Variants in GLS2 observed in about 807,000 individuals in gnomAD.
GLS2 encodes glutaminase liver isoform, mitochondrial.
In GLS2, 52 loss-of-function variants were observed where a neutral mutation model predicts 79.0. That is an observed-to-expected ratio of 0.66 (90% CI 0.53 to 0.83). The LOEUF (loss-of-function observed/expected upper bound fraction) is 0.83. Ranked by LOEUF, GLS2 falls within the 40% of genes least tolerant of loss-of-function variation. GLS2 has a pLI of 0.00. For synonymous variants in GLS2, 238 were observed against 280.8 expected, an observed-to-expected ratio of 0.85 and a Z score of 1.52; for missense variants, 561 against 764.8, an observed-to-expected ratio of 0.73 and a Z score of 3.14.
At chr12:56,487,731 C>T (rs1316767924) in intron 1 of GLS2, 2 of 616,638 alleles carry the variant, frequency 3.2e-6, no homozygotes, top group East Asian at 6.3e-5. Context: ...GACCCGCTTG[C>T]CCGAACGCAC....
chr12:56,478,394 G>A (rs1870012467), intron 4 of GLS2, 132 bp from the exon 5 acceptor site: 1 of 881,254 alleles, frequency 1.1e-6, no homozygotes, highest in East Asian at 2.7e-5. Flanking sequence ...GTTCCCTCCT[G>A]CCTGTTGCTC....
rs1435585937 is a variant in GLS2 at position 56,471,662 on chromosome 12, T to C, written c.1653-19A>G. 5.6e-6 allele frequency: 9 copies of C among 1,613,712 alleles called. No homozygotes were observed. Among genetic ancestry groups the C allele is most frequent in the Non-Finnish European group, 7.6e-6 (9 of 1,179,682 alleles). On this transcript the variant is annotated intron_variant, in intron 17 of 17. Coordinates refer to ENST00000311966, the MANE Select transcript of GLS2 (RefSeq NM_013267.4). The stretch of plus-strand genomic sequence containing the variant: ...GCCCCACCTGAGAGGAATAATGATA[T>C]GATCAGGCAAAGGAGACGTGGAGAG...
Position 56,475,671 on chromosome 12 carries a change from A to ATAC in GLS2, c.879_881dup (p.Gln293_Tyr294insTer). On this transcript the variant is annotated stop_gained, in exon 9 of 18. Transcript: ENST00000311966. LOFTEE classifies it high-confidence loss of function. ...ATTCATTCCCAGCCATTTTGTTGAG[A>ATAC]TACTGCAACACCTGGAAGAGAAAAA... The ATAC allele has an allele frequency of 6.2e-7, 1 of 1,614,184 alleles. No homozygotes were observed. The highest frequency in any genetic ancestry group is 8.5e-7 in the Non-Finnish European group (1 of 1,180,044).
In GLS2 at chr12:56,473,475, G is replaced by A; in HGVS notation, c.1344C>T (p.Thr448=). 1 of 1,611,860 alleles carries A rather than the reference G, an allele frequency of 6.2e-7. No individual in the cohort carries two copies. Among genetic ancestry groups the A allele is most frequent in the Non-Finnish European group, 8.5e-7 (1 of 1,178,702 alleles). Reference sequence around the variant, plus strand: ...CAAAGCATCTCACCTGGCAGAAGCTGGTCCCCCTATGGCTGTTCCCCAGCT... The same window carrying A: ...CAAAGCATCTCACCTGGCAGAAGCTAGTCCCCCTATGGCTGTTCCCCAGCT... ...LDKLGNSHRG[T]SFCQKLVSLF... is the part of the protein sequence containing the mutation. The change falls in exon 13 of 18, where the codon ACC becomes ACT. Residue 448 remains threonine, a synonymous_variant. Transcript: ENST00000311966.
At chr12:56,477,444 A>G in intron 7 of GLS2, 1 of 343,224 alleles carries the variant, frequency 2.9e-6, no homozygotes, top group Non-Finnish European at 5.6e-6. Context: ...GGGGCAGGGA[A>G]CAGTACTGAG....
rs1870838810 is a variant in GLS2 at position 56,488,070 on chromosome 12, G to A, written c.49C>T (p.His17Tyr). 6.3e-7 allele frequency: 1 copy of A among 1,578,798 alleles called. No homozygotes were observed. Among genetic ancestry groups the A allele is most frequent in the Non-Finnish European group, 8.6e-7 (1 of 1,169,490 alleles). ...TGACCCCAGCCTCCTCGCCCGCAGT[G>A]ACTGCCAGCCCGGCTCAGGGCCTTC... ...LQKALSRAGS[H>Y]CGRGGWGHPS... Residue 17 changes from histidine to tyrosine, a missense_variant, in exon 1 of 18, where the codon CAC (histidine) becomes TAC (tyrosine). By Grantham distance (83) the His-to-Tyr change is moderately conservative. This residue lies in a region of GLS2 where 161 missense variants were observed against 167.8 expected (regional missense o/e 0.96). Coordinates refer to ENST00000311966, the MANE Select transcript of GLS2 (RefSeq NM_013267.4).
At chr12:56,484,141 G>A (rs772616350) in intron 1 of GLS2, among the ~76,000 whole-genome samples, 9 of 152,038 alleles carry the variant, frequency 5.9e-5, no homozygotes, top group South Asian at 2.1e-4. Flanking sequence ...GTGGTGGCGC[G>A]CACCTGTAAT....
chr12:56,472,621 A>T, intron 15 of GLS2, 69 bp downstream of exon 15: 1 of 1,389,430 alleles, frequency 7.2e-7, no homozygotes, highest in Non-Finnish European at 1.0e-6. Flanking sequence ...CTATTTTGTT[A>T]CGCTGCCTCC....
intron 7 of GLS2, 114 bp from the exon 8 acceptor site, chr12:56,476,091 G>A: frequency 1.0e-6 from 1 of 994,120 alleles, no homozygotes; most frequent in Non-Finnish European, 1.5e-6. Flanking sequence ...CTGCAAATGT[G>A]TTCAATTTTA....
rs757451008 is a variant in GLS2 at position 56,477,642 on chromosome 12, G to C, written c.837+18C>G. On this transcript the variant is annotated intron_variant, in intron 7 of 17. Transcript: ENST00000311966. ...GCTTAGAGGATAATACCTATCAGAA[G>C]GTTAAGGTGGCACTGACCTTGATCA... 1.2e-4 allele frequency: 188 copies of C among 1,610,268 alleles called. No individual in the cohort carries two copies. The highest frequency in any genetic ancestry group is 1.6e-4 in the Non-Finnish European group (186 of 1,177,666).
At chr12:56,486,243 G>A (rs979683132) in intron 1 of GLS2, among the ~76,000 whole-genome samples, 1 of 152,016 alleles carries the variant, frequency 6.6e-6, no homozygotes, top group Non-Finnish European at 1.5e-5. Context: ...GGTTCCCTGG[G>A]CAGAAGAAAC....
At chr12:56,477,557 CAG>C (rs1869931096) in intron 7 of GLS2, 101 bp downstream of exon 7, 1 of 1,209,552 alleles carries the variant, frequency 8.3e-7, no homozygotes, top group Non-Finnish European at 1.2e-6. Context: ...TCAAAGGAAT[CAG>C]AGCCCCACCA....
intron 7 of GLS2, 77 bp from the exon 8 acceptor site, chr12:56,476,054 A>C: frequency 7.1e-7 from 1 of 1,411,764 alleles, no homozygotes. Context: ...GATCTAGTGG[A>C]GTTCTAGTGT....
At chr12:56,481,389 G>A (rs1317037373) in intron 1 of GLS2, among the ~76,000 whole-genome samples, 1 of 150,680 alleles carries the variant, frequency 6.6e-6, no homozygotes, top group Non-Finnish European at 1.5e-5. Flanking sequence ...TGTATTTTTA[G>A]TAGAGACGGG....
rs116424949 is a variant in GLS2, at chr12:56,477,643, G to A, written c.837+17C>T. 3.7e-6 allele frequency: 6 copies of A among 1,610,962 alleles called. No homozygotes were observed. The highest frequency in any genetic ancestry group is 5.1e-6 in the Non-Finnish European group (6 of 1,178,012). ...CTTAGAGGATAATACCTATCAGAAGGTTAAGGTGGCACTGACCTTGATCAG... is the reference window on the plus strand; with the variant it reads ...CTTAGAGGATAATACCTATCAGAAGATTAAGGTGGCACTGACCTTGATCAG... On this transcript the variant is annotated intron_variant, in intron 7 of 17. Transcript: ENST00000311966.
intron 7 of GLS2, 176 bp from the exon 8 acceptor site, chr12:56,476,153 C>G: frequency 1.8e-6 from 1 of 559,508 alleles, no homozygotes; most frequent in South Asian, 2.1e-5. Flanking sequence ...ATTGGCTCCT[C>G]TCTTTCTCTT....
At chr12:56,481,131 CTT>C (rs796189449) in intron 1 of GLS2, among the ~76,000 whole-genome samples, 3 of 137,646 alleles carry the variant, frequency 2.2e-5, no homozygotes, top group African/African-American at 2.6e-5. Flanking sequence ...TTCAATCCAT[CTT>C]TTTTTTTTTT....
chr12:56,487,205 T>C (rs1870757408), intron 1 of GLS2, among the ~76,000 whole-genome samples: 1 of 152,082 alleles, frequency 6.6e-6, no homozygotes, highest in East Asian at 1.9e-4. Context: ...ACCAAGTGTG[T>C]CCTAGGCGGT....
chr12:56,481,280 A>G (rs1347990169), intron 1 of GLS2, among the ~76,000 whole-genome samples: 4 of 136,296 alleles, frequency 2.9e-5, no homozygotes, highest in African/African-American at 1.1e-4. Context: ...ATCTCGGCTC[A>G]CTGCAACCTC....
Sources: gnomAD v4.1 joint callset for allele counts (sites outside exome capture counted in the v4.1 genomes callset) on GRCh38, gnomAD v4.1.1 for gene constraint, gnomAD v4.1.1 regional missense constraint, MANE v1.5 for transcripts, NCBI Gene and HGNC (gene_info 2026-07-23, HGNC 2026-07-21) for gene names.